The following ROBO2 variants were observed in gnomAD, a reference collection of about 807,000 sequenced individuals.
ROBO2 encodes roundabout homolog 2.
ROBO2 carries 53 observed loss-of-function variants against 160.8 expected under a neutral mutation model. That is an observed-to-expected ratio of 0.33 (90% confidence interval 0.26 to 0.41). The LOEUF is 0.41. Among genes scored for constraint, ROBO2 ranks in the 10% least tolerant of loss-of-function variants. The pLI is 1.00. For missense variants in ROBO2, 1,577 were observed against 1,722.4 expected, an observed-to-expected ratio of 0.92 and a Z score of 1.49; for synonymous variants, 664 against 611.7, an observed-to-expected ratio of 1.09 and a Z score of -1.26.
chr3:76,440,237 CTTTTT>C (rs971055397), intron 2 of ROBO2, among the ~76,000 whole-genome samples: 1 of 151,932 alleles, frequency 6.6e-6, no homozygotes, highest in South Asian at 2.1e-4. Flanking sequence ...AGTAAAAGTA[CTTTTT>C]TTATTTTATT....
intron 2 of ROBO2, among the ~76,000 whole-genome samples, chr3:77,211,353 T>G (rs2084126573): frequency 6.6e-6 from 1 of 152,200 alleles, no homozygotes; most frequent in Non-Finnish European, 1.5e-5. Context: ...TGATGAGCAT[T>G]TTTTCATGTG....
intron 2 of ROBO2, among the ~76,000 whole-genome samples, chr3:77,441,509 C>A (rs1175667382): frequency 2.0e-5 from 3 of 151,634 alleles, no homozygotes; most frequent in African/African-American, 4.8e-5. Context: ...CTTAAAAATC[C>A]TTTTGCAAGG....
chr3:76,631,164 G>A (rs1315978569), intron 2 of ROBO2, among the ~76,000 whole-genome samples: 1 of 152,046 alleles, frequency 6.6e-6, no homozygotes, highest in Admixed American at 6.6e-5. Context: ...TACATTTTAT[G>A]ATATTTAAAG....
intron 2 of ROBO2, among the ~76,000 whole-genome samples, chr3:76,296,397 C>T (rs1182977018): frequency 2.0e-5 from 3 of 152,204 alleles, no homozygotes; most frequent in Non-Finnish European, 4.4e-5. Flanking sequence ...AATATACCAT[C>T]TCTCTGGCTT....
At chr3:76,763,798 A>G (rs2061436387) in intron 2 of ROBO2, among the ~76,000 whole-genome samples, 1 of 151,742 alleles carries the variant, frequency 6.6e-6, no homozygotes. Context: ...AACAAGCTCC[A>G]AACTGCTGCC....
At chr3:76,831,002 T>A (rs559935509) in intron 2 of ROBO2, among the ~76,000 whole-genome samples, 24 of 151,960 alleles carry the variant, frequency 1.6e-4, no homozygotes, top group Admixed American at 9.2e-4. Context: ...AAAAATAAAT[T>A]AATTAATAAT....
At chr3:77,144,645 T>C (rs1177762870) in intron 2 of ROBO2, among the ~76,000 whole-genome samples, 1 of 152,232 alleles carries the variant, frequency 6.6e-6, no homozygotes, top group East Asian at 1.9e-4. Flanking sequence ...TTAACTCACA[T>C]TGGAAAGGAC....
chr3:76,191,259 AATTTCAACATGGCCTC>A (rs1314009249), intron 2 of ROBO2, among the ~76,000 whole-genome samples: 9 of 152,150 alleles, frequency 5.9e-5, no homozygotes, highest in Non-Finnish European at 1.3e-4. Context: ...CTACAAATAT[AATTTCAACATGGCCTC>A]ATCTCTTCAT....
At chr3:76,216,227 C>A (rs186100002) in intron 2 of ROBO2, among the ~76,000 whole-genome samples, 1 of 152,096 alleles carries the variant, frequency 6.6e-6, no homozygotes, top group Non-Finnish European at 1.5e-5. Flanking sequence ...TAAAGATCGT[C>A]GAGGCTAGGA....
chr3:76,140,162 C>T (rs1183525979), intron 2 of ROBO2, among the ~76,000 whole-genome samples: 1 of 152,006 alleles, frequency 6.6e-6, no homozygotes, highest in East Asian at 1.9e-4. Flanking sequence ...TTCAGAATGT[C>T]GCTCAATTTG....
At chr3:76,303,503 A>G (rs2071175038) in intron 2 of ROBO2, among the ~76,000 whole-genome samples, 1 of 152,058 alleles carries the variant, frequency 6.6e-6, no homozygotes, top group South Asian at 2.1e-4. Context: ...AAATGCACGC[A>G]CCCAGGTCCT....
chr3:77,446,252 T>TAC (rs772798292), intron 2 of ROBO2, among the ~76,000 whole-genome samples: 50 of 151,794 alleles, frequency 3.3e-4, no homozygotes, highest in East Asian at 1.5e-3. Flanking sequence ...ATCAAAGCTA[T>TAC]ACACACACAC....
chr3:77,564,124 A>G (rs906614302), intron 11 of ROBO2, among the ~76,000 whole-genome samples: 90 of 152,138 alleles, frequency 5.9e-4, no homozygotes, highest in African/African-American at 2.1e-3. Flanking sequence ...TATTTAAGGT[A>G]ATGCTAGGTA....
At chr3:75,927,794 A>G (rs1465828616) in intron 1 of ROBO2, among the ~76,000 whole-genome samples, 3 of 152,198 alleles carry the variant, frequency 2.0e-5, no homozygotes, top group African/African-American at 7.2e-5. Context: ...AACACTCTGT[A>G]TTGATTTAAC....
chr3:76,638,205 A>T (rs2090443791), intron 2 of ROBO2, among the ~76,000 whole-genome samples: 1 of 152,202 alleles, frequency 6.6e-6, no homozygotes. Context: ...ATGCATTTGA[A>T]TGCTTTTGTG....
At position 76,795,811 on chromosome 3, in the gene ROBO2, G is replaced by A. The variant is rs368633699; in HGVS notation, c.110-302203G>A. On this transcript the variant is annotated intron_variant, in intron 2 of 26. Coordinates refer to the ROBO2 transcript ENST00000487694. ...TTTCAGAAGGTTTTCAAAGTACTTTGTCCAGATACATCAGAAAAATCACTA... is the reference window on the plus strand; with the variant it reads ...TTTCAGAAGGTTTTCAAAGTACTTTATCCAGATACATCAGAAAAATCACTA... 1.3e-5 allele frequency among the ~76,000 whole-genome samples: 2 copies of A among 152,010 alleles called. 1 individual carries two copies. Among genetic ancestry groups the A allele is most frequent in the South Asian group, 4.1e-4 (2 of 4,832 alleles).
intron 2 of ROBO2, among the ~76,000 whole-genome samples, chr3:75,938,118 C>T (rs1947880686): frequency 6.6e-6 from 1 of 151,848 alleles, no homozygotes. Context: ...TGATGTTTCT[C>T]ATTCTTCCGC....
chr3:76,133,723 A>G (rs1376541727), intron 2 of ROBO2, among the ~76,000 whole-genome samples: 4 of 152,170 alleles, frequency 2.6e-5, no homozygotes, highest in African/African-American at 7.2e-5. Flanking sequence ...AGCACCCAGC[A>G]TGGGAGAAAG....
At chr3:77,401,412 A>T (rs1025255101) in intron 2 of ROBO2, among the ~76,000 whole-genome samples, 4 of 152,102 alleles carry the variant, frequency 2.6e-5, no homozygotes, top group Non-Finnish European at 4.4e-5. Context: ...GTGTATTTTT[A>T]TGTGAATTTT....
Sources: allele counts gnomAD v4.1 joint callset (sites outside exome capture counted in the v4.1 genomes callset), GRCh38; gene constraint gnomAD v4.1.1; transcripts MANE v1.5; gene names NCBI Gene and HGNC (gene_info 2026-07-23, HGNC 2026-07-21).